VRK2: variants seen among roughly 807,000 people sequenced by gnomAD.
The protein encoded by VRK2 is serine/threonine-protein kinase VRK2.
A neutral mutation model predicts 57.6 loss-of-function variants in VRK2; 60 were observed. That is an observed-to-expected ratio of 1.04 (90% CI 0.85 to 1.29). The LOEUF (loss-of-function observed/expected upper bound fraction) is 1.29, where lower values mean the gene tolerates loss of function less well. Ranked by LOEUF, VRK2 falls within the 50% of genes most tolerant of loss-of-function variation. VRK2 has a pLI of 0.00. For missense variants in VRK2, 705 were observed against 588.1 expected (o/e 1.20, Z -2.06); for synonymous variants, 231 against 199.2 (o/e 1.16, Z -1.35).
At chr2:58,000,058 C>T (rs192549723) in intron 1 of VRK2, among the ~76,000 whole-genome samples, 1 of 152,224 alleles carries the variant, frequency 6.6e-6, no homozygotes, top group Admixed American at 6.5e-5. Context: ...TCATTTCTAC[C>T]TAAGAATGCA....
chr2:58,037,613 C>A (rs1674318020), intron 3 of VRK2, among the ~76,000 whole-genome samples: 1 of 152,088 alleles, frequency 6.6e-6, no homozygotes, highest in Non-Finnish European at 1.5e-5. Context: ...CCTTCCTACT[C>A]AAGAGTATTC....
chr2:58,135,946 C>A (rs771498384), intron 10 of VRK2, among the ~76,000 whole-genome samples: 5 of 152,128 alleles, frequency 3.3e-5, no homozygotes, highest in Non-Finnish European at 7.4e-5. Flanking sequence ...GACAGATAAT[C>A]AGAGTGAATC....
chr2:58,145,501 G>A (rs938091502), intron 11 of VRK2, among the ~76,000 whole-genome samples: 3 of 151,882 alleles, frequency 2.0e-5, no homozygotes, highest in African/African-American at 7.3e-5. Context: ...TCCCAGCAAA[G>A]GTTAATAATG....
At chr2:58,063,983 A>C (rs533726300) in intron 2 of VRK2, among the ~76,000 whole-genome samples, 1 of 152,276 alleles carries the variant, frequency 6.6e-6, no homozygotes, top group African/African-American at 2.4e-5. Flanking sequence ...TAGATGTGAC[A>C]GAAATTGCAA....
intron 1 of VRK2, among the ~76,000 whole-genome samples, chr2:57,986,711 G>C (rs184328153): frequency 6.8e-6 from 1 of 146,030 alleles, no homozygotes; most frequent in Non-Finnish European, 1.5e-5. Flanking sequence ...CAATTCTCCC[G>C]CCTCAGCCTC....
At chr2:57,973,554 G>A (rs911432074) in intron 1 of VRK2, among the ~76,000 whole-genome samples, 8 of 151,410 alleles carry the variant, frequency 5.3e-5, no homozygotes, top group Non-Finnish European at 8.9e-5. Context: ...CTCTCTTGCC[G>A]CCTTACCTCT....
chr2:57,933,303 C>A (rs1434454516), intron 1 of VRK2, among the ~76,000 whole-genome samples: 6 of 78,034 alleles, frequency 7.7e-5, no homozygotes, highest in Admixed American at 3.8e-4. Context: ...TTATTTCTTT[C>A]TTTTTCTTTT....
At chr2:57,937,739 G>A (rs1670959214) in intron 1 of VRK2, among the ~76,000 whole-genome samples, 1 of 151,972 alleles carries the variant, frequency 6.6e-6, no homozygotes, top group Admixed American at 6.6e-5. Flanking sequence ...CCAACTCAGA[G>A]GATCAAATCA....
chr2:58,152,949 G>A (rs911922849), intron 12 of VRK2, among the ~76,000 whole-genome samples: 2 of 151,696 alleles, frequency 1.3e-5, no homozygotes, highest in Admixed American at 6.6e-5. Flanking sequence ...ACATGTACTC[G>A]TGCATGTCTG....
intron 2 of VRK2, among the ~76,000 whole-genome samples, chr2:58,056,373 G>C (rs1191739840): frequency 2.0e-5 from 3 of 152,130 alleles, no homozygotes; most frequent in Non-Finnish European, 4.4e-5. Context: ...AGTAAAACTG[G>C]CACGTCCCTC....
At position 57,916,667 on chromosome 2, in the gene VRK2, A is replaced by G. The variant is rs182625121; in HGVS notation, c.-439+8828A>G. Among the ~76,000 whole-genome samples the G allele has an allele frequency of 2.0e-5, 3 of 152,296 alleles. No individual in the cohort carries two copies. In the East Asian group the frequency reaches 5.8e-4, roughly 29 times the overall value. ...TATCTGACAAATGAGGAGGAAACTAATGCTTAGCTAATTAAGTATCTTGCC... is the reference window on the plus strand; with the variant it reads ...TATCTGACAAATGAGGAGGAAACTAGTGCTTAGCTAATTAAGTATCTTGCC... On this transcript the variant is annotated intron_variant, in intron 1 of 15. Coordinates refer to the VRK2 transcript ENST00000417641.
chr2:57,940,773 CAT>C (rs1159253064), intron 1 of VRK2, among the ~76,000 whole-genome samples: 1 of 152,052 alleles, frequency 6.6e-6, no homozygotes, highest in Non-Finnish European at 1.5e-5. Flanking sequence ...CACAGTTTCA[CAT>C]GAGGCAATGA....
rs1344587030 is a variant in VRK2, at chr2:57,936,515, T to C, written c.-439+28676T>C. Among the ~76,000 whole-genome samples, 5 of 148,694 alleles carry C rather than the reference T, an allele frequency of 3.4e-5. 1 individual carries two copies. The highest frequency in any genetic ancestry group is 7.4e-5 in the Non-Finnish European group (5 of 67,594). ...CCTTGCTTTCATTTTTTTGTTTTGT[T>C]TTGTTTTGTTTTTTTGTTTTTTTTT... On this transcript the variant is annotated intron_variant, in intron 1 of 15. Transcript: ENST00000417641.
intron 7 of VRK2, 131 bp downstream of exon 7, chr2:58,089,854 C>A: frequency 1.6e-6 from 1 of 620,820 alleles, no homozygotes; most frequent in South Asian, 2.1e-5. Context: ...TTTATCTTAC[C>A]TGCTTATCTA....
intron 2 of VRK2, among the ~76,000 whole-genome samples, chr2:58,066,259 C>A (rs904524581): frequency 6.6e-5 from 10 of 152,264 alleles, no homozygotes; most frequent in African/African-American, 2.4e-4. Flanking sequence ...TGCTCTTTAT[C>A]AAGTTAAGCA....
chr2:58,024,070 C>T (rs1357890385), intron 1 of VRK2, among the ~76,000 whole-genome samples: 6 of 151,166 alleles, frequency 4.0e-5, no homozygotes, highest in African/African-American at 7.3e-5. Flanking sequence ...ACTGCCAGCT[C>T]CGCCTCCCGG....
At chr2:58,099,431 T>C (rs1221176908) in intron 7 of VRK2, among the ~76,000 whole-genome samples, 2 of 152,118 alleles carry the variant, frequency 1.3e-5, no homozygotes, top group African/African-American at 2.4e-5. Context: ...AATGAACTCC[T>C]GAGATATACT....
At chr2:57,926,856 T>C (rs1304818630) in intron 1 of VRK2, among the ~76,000 whole-genome samples, 1 of 152,056 alleles carries the variant, frequency 6.6e-6, no homozygotes, top group East Asian at 1.9e-4. Context: ...TTTTTTATAT[T>C]CAATGTTCTT....
At chr2:57,959,556 C>A (rs1157065898) in intron 1 of VRK2, among the ~76,000 whole-genome samples, 1 of 152,122 alleles carries the variant, frequency 6.6e-6, no homozygotes, top group Non-Finnish European at 1.5e-5. Context: ...GTGTTAGCAG[C>A]CATCAAGGAT....
Sources: allele counts gnomAD v4.1 joint callset (sites outside exome capture counted in the v4.1 genomes callset), GRCh38; gene constraint gnomAD v4.1.1; transcripts MANE v1.5; gene names NCBI Gene and HGNC (gene_info 2026-07-23, HGNC 2026-07-21).